Variants in ARHGAP35 observed in about 807,000 individuals in gnomAD.
ARHGAP35 encodes Rho GTPase activating protein 35.
A neutral mutation model predicts 111.1 loss-of-function variants in ARHGAP35; 15 were observed. The ratio of observed to expected loss-of-function variants is 0.13; its 90% CI spans 0.09 to 0.21. ARHGAP35 has a LOEUF of 0.21. Ranked by LOEUF, ARHGAP35 falls within the 10% of genes least tolerant of loss-of-function variation. The pLI, the probability that ARHGAP35 is intolerant of heterozygous loss-of-function variation, is 1.00. For missense variants in ARHGAP35, 1,262 were observed against 1,873.0 expected (o/e 0.67, Z 6.02); for synonymous variants, 643 against 710.3 (o/e 0.91, Z 1.51).
chr19:46,975,970 T>G (rs60438150), intron 3 of ARHGAP35, among the ~76,000 whole-genome samples: 6,301 of 152,320 alleles, frequency 0.041, 190 homozygotes, highest in East Asian at 0.16. Flanking sequence ...CATCTATCAC[T>G]GTAACAGTTT....
intron 3 of ARHGAP35, among the ~76,000 whole-genome samples, chr19:46,970,112 CAAAG>C (rs1568483110): frequency 2.0e-5 from 3 of 152,280 alleles, no homozygotes; most frequent in South Asian, 2.1e-4. Flanking sequence ...TAGATTGGGA[CAAAG>C]AAAGAAAGTC....
chr19:46,941,227 T>C (rs1463386481), intron 3 of ARHGAP35, among the ~76,000 whole-genome samples: 1 of 152,210 alleles, frequency 6.6e-6, no homozygotes, highest in Non-Finnish European at 1.5e-5. Flanking sequence ...GTTTAAAATT[T>C]GTCCCCCATT....
At chr19:46,984,983 G>A (rs1361359095) in intron 3 of ARHGAP35, among the ~76,000 whole-genome samples, 1 of 152,238 alleles carries the variant, frequency 6.6e-6, no homozygotes, top group Non-Finnish European at 1.5e-5. Flanking sequence ...TCTACACTGA[G>A]ACTCAGGAAC....
chr19:46,989,702 C>T lies in ARHGAP35; in HGVS notation c.4036+27C>T, dbSNP rs768354249. The T allele has an allele frequency of 4.3e-6, 7 of 1,612,744 alleles. No homozygotes were observed. The highest frequency in any genetic ancestry group is 2.7e-5 in the African/African-American group (2 of 74,878). On this transcript the variant is annotated intron_variant, in intron 5 of 6. Coordinates refer to ENST00000672722, the MANE Select transcript of ARHGAP35 (RefSeq NM_004491.5). This position sits in a 1 kb window ranked among gnomAD's most constrained non-coding sequence, Gnocchi z 5.3. Reference sequence around the variant, plus strand: ...TGAGTACCGGCAGCCCAGTGTTGGGCGGATTGAGGGAGAAAGGGCTTGGCA... The same window carrying T: ...TGAGTACCGGCAGCCCAGTGTTGGGTGGATTGAGGGAGAAAGGGCTTGGCA...
chr19:46,937,158 T>C, intron 2 of ARHGAP35, 106 bp from the exon 3 acceptor site: 1 of 1,331,766 alleles, frequency 7.5e-7, no homozygotes, highest in South Asian at 1.4e-5. Flanking sequence ...ACATTCTTTC[T>C]AGCAGTTTTT....
rs902918182 is a variant in ARHGAP35 at position 46,971,645 on chromosome 19, G to A, written c.3827-16344G>A. On this transcript the variant is annotated intron_variant, in intron 3 of 6. Coordinates refer to ENST00000672722, the MANE Select transcript of ARHGAP35 (RefSeq NM_004491.5). The stretch of plus-strand genomic sequence containing the variant: ...CTCCTGAGCAGCTGGGATTACAGGC[G>A]CACGCCACCACACCTGGCTAATTTT... Among the ~76,000 whole-genome samples, 9 of 150,908 alleles carry A rather than the reference G, an allele frequency of 6.0e-5. No homozygotes were observed. In the South Asian group the frequency reaches 6.4e-4, roughly 11 times the overall value.
chr19:46,962,820 G>A (rs1488559073), intron 3 of ARHGAP35, among the ~76,000 whole-genome samples: 3 of 152,028 alleles, frequency 2.0e-5, no homozygotes, highest in Admixed American at 6.6e-5. Flanking sequence ...TACCATGTTG[G>A]CCAGGCTGGT....
chr19:46,910,814 C>T (rs1439588185), intron 1 of ARHGAP35, among the ~76,000 whole-genome samples: 1 of 152,136 alleles, frequency 6.6e-6, no homozygotes, highest in African/African-American at 2.4e-5. Context: ...TGGTCTTGAA[C>T]TCCTGAGCTC....
In ARHGAP35 at chr19:46,993,980, G is replaced by C. The variant is rs1309087793; in HGVS notation, c.4036+4305G>C. On this transcript the variant is annotated intron_variant, in intron 5 of 6. Coordinates refer to ENST00000672722, the MANE Select transcript of ARHGAP35 (RefSeq NM_004491.5). The surrounding 1 kb of genome is among the most constrained non-coding windows in gnomAD (Gnocchi z 4.6). ...TAAGTGTCTTGACTCCCAAAGGGCA[G>C]GCTGAGGGAGCAGAGGATGTGAGGA... Among the ~76,000 whole-genome samples, 2 of 152,214 alleles carry C rather than the reference G, an allele frequency of 1.3e-5. No individual in the cohort carries two copies. The highest frequency in any genetic ancestry group is 4.8e-5 in the African/African-American group (2 of 41,454).
intron 1 of ARHGAP35, among the ~76,000 whole-genome samples, chr19:46,912,367 T>C (rs1271077000): frequency 6.6e-6 from 1 of 150,670 alleles, no homozygotes; most frequent in Non-Finnish European, 1.5e-5. Context: ...TTTTTTTTTT[T>C]CTTTTGAGAC....
chr19:46,994,457 T>G lies in ARHGAP35; in HGVS notation c.4036+4782T>G, dbSNP rs1199954234. 6.6e-6 allele frequency among the ~76,000 whole-genome samples: 1 copy of G among 152,158 alleles called. No homozygotes were observed. Among genetic ancestry groups the G allele is most frequent in the Non-Finnish European group, 1.5e-5 (1 of 68,012 alleles). On this transcript the variant is annotated intron_variant, in intron 5 of 6. Transcript: ENST00000672722. The surrounding 1 kb of genome is among the most constrained non-coding windows in gnomAD (Gnocchi z 5.4). The stretch of plus-strand genomic sequence containing the variant: ...GGGCTGGCTCTTGGCCACCAGCTTG[T>G]TCCCCAGGCCTCTGGCTTGGAGCCT...
intron 3 of ARHGAP35, among the ~76,000 whole-genome samples, chr19:46,979,550 G>A (rs1275650248): frequency 6.6e-6 from 1 of 152,216 alleles, no homozygotes; most frequent in Non-Finnish European, 1.5e-5. Flanking sequence ...AGGTCCAGAA[G>A]TCCTACTTGA....
intron 3 of ARHGAP35, among the ~76,000 whole-genome samples, chr19:46,980,333 C>T (rs1426715740): frequency 2.6e-5 from 4 of 152,008 alleles, no homozygotes; most frequent in East Asian, 3.9e-4. Context: ...TGCAGTGAGC[C>T]GAGATTGCAC....
At chr19:46,975,155 C>T (rs1302850656) in intron 3 of ARHGAP35, among the ~76,000 whole-genome samples, 1 of 152,106 alleles carries the variant, frequency 6.6e-6, no homozygotes, top group East Asian at 1.9e-4. Context: ...CAGGCATGAG[C>T]CACCATGCCT....
intron 1 of ARHGAP35, among the ~76,000 whole-genome samples, chr19:46,866,439 A>C (rs547402564): frequency 6.6e-6 from 1 of 152,204 alleles, no homozygotes; most frequent in Non-Finnish European, 1.5e-5. Flanking sequence ...ATATAAGGGC[A>C]GTGACCTGGC....
chr19:46,910,593 A>G (rs1254147463), intron 1 of ARHGAP35, among the ~76,000 whole-genome samples: 4 of 149,708 alleles, frequency 2.7e-5, no homozygotes, highest in African/African-American at 7.4e-5. Context: ...CACCTGGCCA[A>G]TTTTTAAAAT....
At chr19:46,983,372 C>T (rs1328358944) in intron 3 of ARHGAP35, among the ~76,000 whole-genome samples, 2 of 152,102 alleles carry the variant, frequency 1.3e-5, no homozygotes, top group Admixed American at 1.3e-4. Context: ...TGAAAAGGCA[C>T]GAAAGCACTT....
chr19:46,864,119 T>C (rs1433495520), intron 1 of ARHGAP35, among the ~76,000 whole-genome samples: 1 of 152,238 alleles, frequency 6.6e-6, no homozygotes, highest in Non-Finnish European at 1.5e-5. Context: ...TTAAGCTTTT[T>C]GAGTGACCTG....
chr19:46,891,869 C>T (rs1312322870), intron 1 of ARHGAP35, among the ~76,000 whole-genome samples: 1 of 152,078 alleles, frequency 6.6e-6, no homozygotes, highest in Non-Finnish European at 1.5e-5. Flanking sequence ...TGGCCAGGCG[C>T]GATGGCTCAC....
Sources: allele counts gnomAD v4.1 joint callset (sites outside exome capture counted in the v4.1 genomes callset), GRCh38; gene constraint gnomAD v4.1.1; non-coding constraint Gnocchi (gnomAD v3.1); transcripts MANE v1.5; gene names NCBI Gene and HGNC (gene_info 2026-07-23, HGNC 2026-07-21).